COBLL1: variants seen among roughly 807,000 people sequenced by gnomAD.
The protein encoded by COBLL1 is cordon-bleu WH2 repeat protein like 1, also known as cordon-bleu protein-like 1.
COBLL1 carries 50 observed loss-of-function variants against 94.8 expected under a neutral mutation model. The observed-to-expected ratio is 0.53, with a 90% CI of 0.42 to 0.67. The LOEUF (loss-of-function observed/expected upper bound fraction) is 0.67. COBLL1 is among the 30% of genes least tolerant of loss of function. The probability of loss-of-function intolerance (pLI) is 0.00; values close to 1 mark genes in which losing one functional copy is unlikely to be tolerated. For synonymous variants in COBLL1, 448 were observed against 473.8 expected (o/e 0.95, Z 0.71); for missense variants, 1,362 against 1,348.7 (o/e 1.01, Z -0.15).
chr2:164,727,764 T>C (rs1174033998), intron 5 of COBLL1, among the ~76,000 whole-genome samples: 1 of 151,860 alleles, frequency 6.6e-6, no homozygotes, highest in Non-Finnish European at 1.5e-5. Flanking sequence ...CCAATTTCAA[T>C]AACTGAAATT....
Position 164,685,980 on chromosome 2 carries a change from T to C in COBLL1, c.3353A>G (p.His1118Arg). The change falls in exon 14 of 14, where the codon CAT (histidine) becomes CGT (arginine). Residue 1118 changes from histidine to arginine, a missense_variant. Transcript: ENST00000652658. Reference protein sequence around the residue: ...ISVNGRSRLSHSMSPDAQDGH With the variant: ...ISVNGRSRLSRSMSPDAQDGH Reference sequence around the variant, plus strand: ...GTCCTGGGCATCAGGGGACATGGAATGGCTGAGTCTTGACCTTCCATTCAC... The same window carrying C: ...GTCCTGGGCATCAGGGGACATGGAACGGCTGAGTCTTGACCTTCCATTCAC... 6.2e-7 allele frequency: 1 copy of C among 1,610,758 alleles called. No homozygotes were observed. Among genetic ancestry groups the C allele is most frequent in the Non-Finnish European group, 8.5e-7 (1 of 1,177,724 alleles).
In COBLL1 at chr2:164,813,364, T is replaced by C. The variant is rs1684552456; in HGVS notation, c.41+27792A>G. On this transcript the variant is annotated intron_variant, in intron 2 of 13. Transcript: ENST00000652658. ...CAGGGGTAACCAATGGTACAAAATGTATAAAGTCAAACTGGGCATTCAAGA... is the reference window on the plus strand; with the variant it reads ...CAGGGGTAACCAATGGTACAAAATGCATAAAGTCAAACTGGGCATTCAAGA... Among the ~76,000 whole-genome samples the C allele has an allele frequency of 3.3e-5, 5 of 152,276 alleles. No individual in the cohort carries two copies. In the South Asian group the frequency reaches 1.0e-3, roughly 32 times the overall value.
At chr2:164,740,441 C>A (rs894432996) in intron 3 of COBLL1, among the ~76,000 whole-genome samples, 4 of 152,148 alleles carry the variant, frequency 2.6e-5, no homozygotes, top group Admixed American at 6.5e-5. Context: ...AAAAAGGAAT[C>A]AGAATTTGGG....
At chr2:164,760,584 T>G (rs895678472) in intron 2 of COBLL1, among the ~76,000 whole-genome samples, 1 of 152,216 alleles carries the variant, frequency 6.6e-6, no homozygotes, top group South Asian at 2.1e-4. Context: ...ATAAGGTCTG[T>G]ACCTGTGTTA....
chr2:164,759,789 T>C (rs540516847), intron 2 of COBLL1, among the ~76,000 whole-genome samples: 46 of 152,228 alleles, frequency 3.0e-4, no homozygotes, highest in South Asian at 4.1e-4. Flanking sequence ...GAATGGCAAA[T>C]AGACACACAA....
At chr2:164,661,057 C>T (rs966476708) in intron 2 of COBLL1, among the ~76,000 whole-genome samples, 2 of 151,976 alleles carry the variant, frequency 1.3e-5, no homozygotes, top group African/African-American at 2.4e-5. Flanking sequence ...TAGTTTCTAC[C>T]GTGAAATTGA....
chr2:164,838,097 T>C (rs542878709), intron 2 of COBLL1, among the ~76,000 whole-genome samples: 1 of 152,274 alleles, frequency 6.6e-6, no homozygotes, highest in South Asian at 2.1e-4. Context: ...ACATTCAAGA[T>C]GACCACAGGA....
intron 2 of COBLL1, among the ~76,000 whole-genome samples, chr2:164,660,684 A>AT (rs771614204): frequency 5.9e-5 from 9 of 152,160 alleles, no homozygotes; most frequent in Non-Finnish European, 1.0e-4. Context: ...TTGTTGACTC[A>AT]TTTTTCTGGA....
At chr2:164,830,136 A>G (rs545299817) in intron 2 of COBLL1, among the ~76,000 whole-genome samples, 2 of 152,256 alleles carry the variant, frequency 1.3e-5, no homozygotes, top group Admixed American at 6.5e-5. Flanking sequence ...TCACTGTACT[A>G]CTCACTCCCT....
intron 2 of COBLL1, among the ~76,000 whole-genome samples, chr2:164,813,607 A>T (rs1487875410): frequency 1.3e-5 from 2 of 152,136 alleles, no homozygotes; most frequent in Non-Finnish European, 2.9e-5. Context: ...AAGCATCTCC[A>T]TGTCTCTTAA....
At chr2:164,756,849 G>A (rs966925921) in intron 2 of COBLL1, among the ~76,000 whole-genome samples, 2 of 152,108 alleles carry the variant, frequency 1.3e-5, no homozygotes, top group African/African-American at 2.4e-5. Context: ...GTCAGAGATC[G>A]TGGTTTGTGT....
At chr2:164,717,364 C>T (rs1574463904) in intron 7 of COBLL1, among the ~76,000 whole-genome samples, 1 of 152,254 alleles carries the variant, frequency 6.6e-6, no homozygotes, top group Non-Finnish European at 1.5e-5. Flanking sequence ...TGATATTTTA[C>T]ATTTTCAAAT....
At chr2:164,780,315 C>T (rs1688673758) in intron 2 of COBLL1, among the ~76,000 whole-genome samples, 1 of 152,116 alleles carries the variant, frequency 6.6e-6, no homozygotes, top group Non-Finnish European at 1.5e-5. Flanking sequence ...TCTACTGCCA[C>T]AAATGAGAAC....
At chr2:164,818,707 CAT>C (rs1574647409) in intron 2 of COBLL1, among the ~76,000 whole-genome samples, 5 of 135,756 alleles carry the variant, frequency 3.7e-5, no homozygotes, top group East Asian at 2.0e-4. Flanking sequence ...CTTATGTAAA[CAT>C]ATATAGTATA....
intron 2 of COBLL1, among the ~76,000 whole-genome samples, chr2:164,754,589 A>G (rs1160878119): frequency 6.6e-6 from 1 of 152,138 alleles, no homozygotes; most frequent in Non-Finnish European, 1.5e-5. Context: ...CTCAACCAGC[A>G]AACTAGAGAA....
Position 164,702,122 on chromosome 2 carries a change from C to A in COBLL1, c.1226-1366G>T, listed in dbSNP as rs568759572. ...TTTTATCATTAATAAAAATAGATTA[C>A]TCAATAAAAAATATTTTAAAATTTA... On this transcript the variant is annotated intron_variant, in intron 9 of 13. Coordinates refer to ENST00000652658, the MANE Select transcript of COBLL1 (RefSeq NM_001365672.2). Among the ~76,000 whole-genome samples, 10 of 151,756 alleles carry A rather than the reference C, an allele frequency of 6.6e-5. No individual in the cohort carries two copies. The Middle Eastern group carries it at 0.01, about 156-fold the overall frequency.
At chr2:164,672,663 C>A (rs887973479) in intron 1 of COBLL1, among the ~76,000 whole-genome samples, 70 of 134,984 alleles carry the variant, frequency 5.2e-4, no homozygotes, top group African/African-American at 1.9e-3. Flanking sequence ...TGCGCCACTG[C>A]AGTCCGCAGT....
chr2:164,733,423 A>G (rs954451902), intron 3 of COBLL1, among the ~76,000 whole-genome samples: 36 of 152,294 alleles, frequency 2.4e-4, no homozygotes, highest in Middle Eastern at 3.4e-3. Context: ...TATGTTTTCT[A>G]CTAAAAATGC....
intron 2 of COBLL1, among the ~76,000 whole-genome samples, chr2:164,832,322 A>T (rs1231334148): frequency 2.0e-5 from 3 of 152,224 alleles, no homozygotes; most frequent in East Asian, 1.9e-4. Context: ...TTTAATTTTT[A>T]AAAATATACC....
Sources: allele counts gnomAD v4.1 joint callset (sites outside exome capture counted in the v4.1 genomes callset), GRCh38; gene constraint gnomAD v4.1.1; transcripts MANE v1.5; gene names NCBI Gene and HGNC (gene_info 2026-07-23, HGNC 2026-07-21).